LOC128462377: variants seen among roughly 807,000 people sequenced by gnomAD.
chr16:89,378,292 C>T, the LOC128462377 span, among the ~76,000 whole-genome samples: 1 of 152,140 alleles, frequency 6.6e-6, no homozygotes, highest in African/African-American at 2.4e-5. Context: ...ATTAAATACT[C>T]GGGGTATAAA....
At chr16:89,381,324 T>C in the LOC128462377 span, among the ~76,000 whole-genome samples, 1 of 102,076 alleles carries the variant, frequency 9.8e-6, no homozygotes, top group African/African-American at 4.4e-5. Flanking sequence ...AGAGCGAGAC[T>C]CTGCTGCAAA....
the LOC128462377 span, chr16:89,325,190 G>A: frequency 6.6e-6 from 1 of 152,396 alleles, no homozygotes; most frequent in Admixed American, 6.5e-5. Context: ...TAGGATGTGA[G>A]GGTGGAACAC....
At chr16:89,337,426 A>ATTTTTTTTTTT in the LOC128462377 span, among the ~76,000 whole-genome samples, 9 of 43,760 alleles carry the variant, frequency 2.1e-4, no homozygotes, top group Non-Finnish European at 2.8e-4. Context: ...GGTCTAAGCA[A>ATTTTTTTTTTT]TTCTTTTTTT....
chr16:89,388,854 G>A, the LOC128462377 span, among the ~76,000 whole-genome samples: 1 of 152,206 alleles, frequency 6.6e-6, no homozygotes, highest in African/African-American at 2.4e-5. Flanking sequence ...ACTGAACCAA[G>A]CTCCAGCCTG....
the LOC128462377 span, among the ~76,000 whole-genome samples, chr16:89,336,424 T>C: frequency 6.6e-6 from 1 of 152,214 alleles, no homozygotes; most frequent in Non-Finnish European, 1.5e-5. Context: ...CTGTTTGCTG[T>C]GGGCTTCTGT....
the LOC128462377 span, among the ~76,000 whole-genome samples, chr16:89,394,211 C>T: frequency 6.6e-6 from 1 of 152,154 alleles, no homozygotes; most frequent in African/African-American, 2.4e-5. Context: ...CTTCCCTCCA[C>T]GACATGGGCA....
chr16:89,404,228 G>A, the LOC128462377 span, among the ~76,000 whole-genome samples: 1,004 of 152,262 alleles, frequency 6.6e-3, 41 homozygotes, highest in Admixed American at 0.047. Context: ...CAGTTTGGCC[G>A]ACTGTAGAAC....
chr16:89,406,636 C>T, the LOC128462377 span, among the ~76,000 whole-genome samples: 4 of 152,198 alleles, frequency 2.6e-5, no homozygotes, highest in East Asian at 1.9e-4. Flanking sequence ...GGCAGGACAT[C>T]AGACACAGGG....
the LOC128462377 span, chr16:89,418,244 A>C: frequency 1.6e-5 from 7 of 450,578 alleles, no homozygotes; most frequent in Non-Finnish European, 2.7e-5. Flanking sequence ...CAAATCAATG[A>C]CAAAAACATA....
the LOC128462377 span, among the ~76,000 whole-genome samples, chr16:89,386,006 G>C: frequency 4.6e-5 from 7 of 152,230 alleles, no homozygotes; most frequent in African/African-American, 7.2e-5. Context: ...CAGCCTCCCA[G>C]GTAGCTGGGA....
the LOC128462377 span, among the ~76,000 whole-genome samples, chr16:89,380,141 C>T: frequency 1.3e-5 from 2 of 152,196 alleles, no homozygotes; most frequent in South Asian, 4.1e-4. Context: ...GAGACAGAGT[C>T]TCATTCTGTC....
At chr16:89,329,757 C>T in the LOC128462377 span, among the ~76,000 whole-genome samples, 2 of 152,062 alleles carry the variant, frequency 1.3e-5, no homozygotes, top group African/African-American at 2.4e-5. Context: ...GCAGTGAATC[C>T]CAGCAGTCTG....
chr16:89,406,338 G>A, the LOC128462377 span, among the ~76,000 whole-genome samples: 1 of 152,124 alleles, frequency 6.6e-6, no homozygotes, highest in South Asian at 2.1e-4. Context: ...GTCACGGCGG[G>A]CACGGGAAAC....
the LOC128462377 span, among the ~76,000 whole-genome samples, chr16:89,337,150 T>C: frequency 6.6e-6 from 1 of 151,578 alleles, no homozygotes; most frequent in African/African-American, 2.4e-5. Context: ...CACACCACTC[T>C]ACTCCACCCT....
At chr16:89,407,682 CACAT>C in the LOC128462377 span, among the ~76,000 whole-genome samples, 5 of 151,840 alleles carry the variant, frequency 3.3e-5, no homozygotes, top group East Asian at 7.7e-4. Flanking sequence ...CACACACACA[CACAT>C]AGACACACAC....
chr16:89,391,251 A>T, the LOC128462377 span, among the ~76,000 whole-genome samples: 1 of 147,404 alleles, frequency 6.8e-6, no homozygotes, highest in Admixed American at 6.8e-5. Context: ...AAAAAAAATG[A>T]TTGAACCCAA....
chr16:89,400,069 C>A, the LOC128462377 span, among the ~76,000 whole-genome samples: 30,955 of 40,654 alleles, frequency 0.76, 11,177 homozygotes, highest in Middle Eastern at 0.88. Flanking sequence ...GCGCTGGGGG[C>A]CGGTCATCTG....
chr16:89,329,406 AAG>A, the LOC128462377 span, among the ~76,000 whole-genome samples: 7 of 152,228 alleles, frequency 4.6e-5, no homozygotes, highest in Admixed American at 4.6e-4. Context: ...AAGGAAAAAA[AAG>A]GGAGAAAAAA....
chr16:89,377,930 C>G, the LOC128462377 span, among the ~76,000 whole-genome samples: 10 of 151,940 alleles, frequency 6.6e-5, no homozygotes, highest in Admixed American at 6.6e-4. Context: ...AGGATGAAGA[C>G]CTTCATGATG....
Sources: allele counts gnomAD v4.1 joint callset (sites outside exome capture counted in the v4.1 genomes callset), GRCh38; gene constraint gnomAD v4.1.1; transcripts MANE v1.5.